The following GPR22 variants were observed in gnomAD, a reference collection of about 807,000 sequenced individuals.
GPR22 encodes G protein-coupled receptor 22.
GPR22 carries 13 observed loss-of-function variants against 31.0 expected under a neutral mutation model. The observed-to-expected ratio is 0.42, with a 90% CI of 0.27 to 0.67. The LOEUF (loss-of-function observed/expected upper bound fraction) is 0.67, where lower values mean the gene tolerates loss of function less well. GPR22 is among the 30% of genes least tolerant of loss of function. The pLI, the probability that GPR22 is intolerant of heterozygous loss-of-function variation, is 0.25. For missense variants in GPR22, 368 were observed against 509.6 expected, an observed-to-expected ratio of 0.72 and a Z score of 2.67; for synonymous variants, 191 against 173.4, an observed-to-expected ratio of 1.10 and a Z score of -0.80.
At position 107,475,281 on chromosome 7, in the gene GPR22, T is replaced by C; in HGVS notation, c.1221T>C (p.Asp407=). 6.3e-7 allele frequency: 1 copy of C among 1,595,982 alleles called. No individual in the cohort carries two copies. The highest frequency in any genetic ancestry group is 2.2e-5 in the East Asian group (1 of 44,712). ...CTGTAATACACAACTCTTGGATAGA[T>C]CCTAAAAGAAACAAAAAAATTACCT... ...NNAVIHNSWI[D]PKRNKKITFE... is the part of the protein sequence containing the mutation. Residue 407 remains aspartate, a synonymous_variant, in exon 3 of 3, where the codon GAT becomes GAC. Coordinates refer to ENST00000304402, the MANE Select transcript of GPR22 (RefSeq NM_005295.3).
In GPR22 at chr7:107,474,614, A is replaced by G; in HGVS notation, c.554A>G (p.Gln185Arg). The G allele has an allele frequency of 6.2e-7, 1 of 1,611,004 alleles. No individual in the cohort carries two copies. The highest frequency in any genetic ancestry group is 2.2e-5 in the East Asian group (1 of 44,820). ...PFIEVNFFSL[Q>R]SGNTWENKTL... ...ATTGAGGTAAATTTTTTCAGTCTTC[A>G]AAGTGGAAATACCTGGGAAAACAAG... The change falls in exon 3 of 3, where the codon CAA (glutamine) becomes CGA (arginine). Residue 185 changes from glutamine (Q) to arginine (R), a missense_variant. Gln to Arg is a conservative substitution (Grantham distance 43, BLOSUM62 1). Coordinates refer to ENST00000304402, the MANE Select transcript of GPR22 (RefSeq NM_005295.3). The surrounding 1 kb of genome is among the most constrained non-coding windows in gnomAD (Gnocchi z 5.7).
rs143888088 is a variant in GPR22, at chr7:107,474,404, G to C, written c.344G>C (p.Cys115Ser). 1.9e-6 allele frequency: 3 copies of C among 1,612,670 alleles called. No individual in the cohort carries two copies. The African/African-American group carries it at 4.0e-5, about 22-fold the overall frequency. Reference sequence around the variant, plus strand: ...CTGGAGAGTAACACTGCTCTCATTTGCTGTTTCCATGAGGCTTGTGTATCT... The same window carrying C: ...CTGGAGAGTAACACTGCTCTCATTTCCTGTTTCCATGAGGCTTGTGTATCT... ...LSLESNTALI[C>S]CFHEACVSFA... is the part of the protein sequence containing the mutation. The change falls in exon 3 of 3, where the codon TGC becomes TCC. Residue 115 changes from cysteine to serine, a missense_variant. Cys to Ser is a moderately radical substitution (Grantham distance 112). Coordinates refer to ENST00000304402, the MANE Select transcript of GPR22 (RefSeq NM_005295.3). This position sits in a 1 kb window ranked among gnomAD's most constrained non-coding sequence, Gnocchi z 5.7.
rs1473283482 is a variant in GPR22, at chr7:107,474,050, G to A, written c.-11G>A. ...CACTTTCTAGGGAAAAAAACCAACTGCTCCAAAAGAATGTGTTTTTCTCCC... is the reference window on the plus strand; with the variant it reads ...CACTTTCTAGGGAAAAAAACCAACTACTCCAAAAGAATGTGTTTTTCTCCC... On this transcript the variant is annotated 5_prime_UTR_variant, in exon 3 of 3. Transcript: ENST00000304402. The surrounding 1 kb of genome is among the most constrained non-coding windows in gnomAD (Gnocchi z 5.7). 2 of 1,462,078 alleles carry A rather than the reference G, an allele frequency of 1.4e-6. No individual in the cohort carries two copies. Among genetic ancestry groups the A allele is most frequent in the African/African-American group, 1.4e-5 (1 of 70,772 alleles). 90.6% of individuals were successfully genotyped at this position (1,462,078 alleles called of 1,614,324 possible). A position where few individuals can be genotyped will look rare whatever the true frequency, so the allele number is the denominator to read the frequency against.
rs750560282 is a variant in GPR22 at position 107,475,229 on chromosome 7, T to C, written c.1169T>C (p.Val390Ala). Residue 390 changes from valine to alanine, a missense_variant, in exon 3 of 3, where the codon GTA becomes GCA. Transcript: ENST00000304402. ...ATGAAAAAGCGAGTTGTTTCTATAG[T>C]AGAAGCTGATCCCCTGCCTAATAAT... ...SKMKKRVVSIVEADPLPNNAV... is the reference protein window; with the variant it reads ...SKMKKRVVSIAEADPLPNNAV... The C allele has an allele frequency of 3.7e-6, 6 of 1,610,738 alleles. No individual in the cohort carries two copies. In the Admixed American group the frequency reaches 6.7e-5, roughly 18 times the overall value.
In GPR22 at chr7:107,474,870, C is replaced by T. The variant is rs1796875659; in HGVS notation, c.810C>T (p.Asp270=). 2 of 1,612,930 alleles carry T rather than the reference C, an allele frequency of 1.2e-6. 1 individual carries two copies. The highest frequency in any genetic ancestry group is 3.3e-4 in the Middle Eastern group (2 of 6,080). Reference sequence around the variant, plus strand: ...TAACCACACAACATGAGGCTACAGACATGTCACAAAGCAGTGGTGGGAGAA... The same window carrying T: ...TAACCACACAACATGAGGCTACAGATATGTCACAAAGCAGTGGTGGGAGAA... ...ISLTTQHEAT[D]MSQSSGGRNV... The change falls in exon 3 of 3, where the codon GAC becomes GAT. Residue 270 remains aspartate (D), a synonymous_variant. Coordinates refer to ENST00000304402, the MANE Select transcript of GPR22 (RefSeq NM_005295.3). The surrounding 1 kb of genome is among the most constrained non-coding windows in gnomAD (Gnocchi z 5.7).
chr7:107,474,628 T>C lies in GPR22; in HGVS notation c.568T>C (p.Trp190Arg). ...TTTCAGTCTTCAAAGTGGAAATACC[T>C]GGGAAAACAAGACACTTTTATGTGT... The part of the protein sequence containing the change: ...NFFSLQSGNT[W>R]ENKTLLCVST... Residue 190 changes from tryptophan to arginine, a missense_variant, in exon 3 of 3, where the codon TGG becomes CGG. Transcript: ENST00000304402. This position sits in a 1 kb window ranked among gnomAD's most constrained non-coding sequence, Gnocchi z 5.7. 2 of 1,611,040 alleles carry C rather than the reference T, an allele frequency of 1.2e-6. No homozygotes were observed. Among genetic ancestry groups the C allele is most frequent in the South Asian group, 2.2e-5 (2 of 90,746 alleles).
In GPR22 at chr7:107,474,151, T is replaced by G. The variant is rs2129111975; in HGVS notation, c.91T>G (p.Tyr31Asp). 1 of 1,609,532 alleles carries G rather than the reference T, an allele frequency of 6.2e-7. No individual in the cohort carries two copies. The highest frequency in any genetic ancestry group is 1.1e-5 in the South Asian group (1 of 90,974). The stretch of plus-strand genomic sequence containing the variant: ...CATTGATGACATCAACACCAATATG[T>G]ACCAACCACTATCATATCCGTTAAG... The part of the protein sequence containing the change: ...DDIDDINTNM[Y>D]QPLSYPLSFQ... The change falls in exon 3 of 3, where the codon TAC becomes GAC. Residue 31 changes from tyrosine (Y) to aspartate (D), a missense_variant. Coordinates refer to ENST00000304402, the MANE Select transcript of GPR22 (RefSeq NM_005295.3). The surrounding 1 kb of genome is among the most constrained non-coding windows in gnomAD (Gnocchi z 5.7).
Position 107,475,298 on chromosome 7 carries a change from A to G in GPR22, c.1238A>G (p.Lys413Arg). ...TGGATAGATCCTAAAAGAAACAAAA[A>G]AATTACCTTTGAAGATAGTGAAATA... Reference protein sequence around the residue: ...NSWIDPKRNKKITFEDSEIRE... With the variant: ...NSWIDPKRNKRITFEDSEIRE... The change falls in exon 3 of 3, where the codon AAA (lysine) becomes AGA (arginine). Residue 413 changes from lysine to arginine, a missense_variant. By Grantham distance (26) the Lys-to-Arg change is conservative. Coordinates refer to ENST00000304402, the MANE Select transcript of GPR22 (RefSeq NM_005295.3). 1 of 1,592,792 alleles carries G rather than the reference A, an allele frequency of 6.3e-7. No individual in the cohort carries two copies. The highest frequency in any genetic ancestry group is 2.2e-5 in the East Asian group (1 of 44,718).
rs1245789772 is a variant in GPR22, at chr7:107,475,231, G to A, written c.1171G>A (p.Glu391Lys). Residue 391 changes from glutamate (E) to lysine (K), a missense_variant, in exon 3 of 3, where the codon GAA becomes AAA. Transcript: ENST00000304402. ...KMKKRVVSIVEADPLPNNAVI... is the reference protein window; with the variant it reads ...KMKKRVVSIVKADPLPNNAVI... The stretch of plus-strand genomic sequence containing the variant: ...GAAAAAGCGAGTTGTTTCTATAGTA[G>A]AAGCTGATCCCCTGCCTAATAATGC... 6.2e-7 allele frequency: 1 copy of A among 1,610,882 alleles called. No homozygotes were observed. Among genetic ancestry groups the A allele is most frequent in the Non-Finnish European group, 8.5e-7 (1 of 1,177,518 alleles).
Position 107,474,220 on chromosome 7 carries a change from T to C in GPR22, c.160T>C (p.Leu54=), listed in dbSNP as rs368142557. ...CGGATTTCTTATGTTAGAAATTGTG[T>C]TGGGACTTGGCAGCAACCTCACTGT... ...LTGFLMLEIV[L]GLGSNLTVLV... Residue 54 remains leucine, a synonymous_variant, in exon 3 of 3, where the codon TTG becomes CTG. Transcript: ENST00000304402. The surrounding 1 kb of genome is among the most constrained non-coding windows in gnomAD (Gnocchi z 5.7). 1.3e-5 allele frequency: 21 copies of C among 1,613,140 alleles called. No individual in the cohort carries two copies. The highest frequency in any genetic ancestry group is 1.7e-5 in the Non-Finnish European group (20 of 1,179,426).
downstream of GPR22, among the ~76,000 whole-genome samples, chr7:107,477,184 ATCT>A (rs1315412252): frequency 4.0e-5 from 6 of 151,666 alleles, no homozygotes; most frequent in African/African-American, 9.7e-5. Context: ...CCAGCTCCTA[ATCT>A]TCTTTTATTT....
chr7:107,472,793 A>T (rs964589866), intron 2 of GPR22: 1 of 151,976 alleles, frequency 6.6e-6, no homozygotes. Context: ...AGTTAACATG[A>T]ATTTTGAAAA....
At chr7:107,477,674 T>G (rs1019517916), downstream of GPR22, among the ~76,000 whole-genome samples, 20 of 151,816 alleles carry the variant, frequency 1.3e-4, no homozygotes, top group African/African-American at 4.8e-4. Context: ...TCTAACAGCT[T>G]TTTAATGTGC....
In GPR22 at chr7:107,474,380, T is replaced by G; in HGVS notation, c.320T>G (p.Leu107Arg). ...ACTATAGTTATCCTTCTGCTTTCAC[T>G]GGAGAGTAACACTGCTCTCATTTGC... Reference protein sequence around the residue: ...PLTIVILLLSLESNTALICCF... With the variant: ...PLTIVILLLSRESNTALICCF... Residue 107 changes from leucine to arginine, a missense_variant, in exon 3 of 3, where the codon CTG (leucine) becomes CGG (arginine). Coordinates refer to ENST00000304402, the MANE Select transcript of GPR22 (RefSeq NM_005295.3). This position sits in a 1 kb window ranked among gnomAD's most constrained non-coding sequence, Gnocchi z 5.7. 1 of 1,612,162 alleles carries G rather than the reference T, an allele frequency of 6.2e-7. No individual in the cohort carries two copies. The highest frequency in any genetic ancestry group is 8.5e-7 in the Non-Finnish European group (1 of 1,178,388).
At position 107,474,228 on chromosome 7, in the gene GPR22, T is replaced by C. The variant is rs1408288448; in HGVS notation, c.168T>C (p.Leu56=). 4 of 1,613,100 alleles carry C rather than the reference T, an allele frequency of 2.5e-6. No homozygotes were observed. In the Admixed American group the frequency reaches 5.0e-5, roughly 20 times the overall value. ...TTATGTTAGAAATTGTGTTGGGACT[T>C]GGCAGCAACCTCACTGTATTGGTAC... is the stretch of plus-strand genomic sequence containing the variant. ...GFLMLEIVLG[L]GSNLTVLVLY... Residue 56 remains leucine, a synonymous_variant, in exon 3 of 3, where the codon CTT becomes CTC. Coordinates refer to ENST00000304402, the MANE Select transcript of GPR22 (RefSeq NM_005295.3). The surrounding 1 kb of genome is among the most constrained non-coding windows in gnomAD (Gnocchi z 5.7).
At chr7:107,473,972 G>A in intron 2 of GPR22, 63 bp from the exon 3 acceptor site, 1 of 599,348 alleles carries the variant, frequency 1.7e-6, no homozygotes, top group Non-Finnish European at 2.9e-6. Flanking sequence ...TTCTTACAAA[G>A]AACACGTTAT....
intron 2 of GPR22, chr7:107,473,064 T>C (rs550701201): frequency 6.6e-6 from 1 of 151,968 alleles, no homozygotes; most frequent in East Asian, 1.9e-4. Flanking sequence ...GGGTGATATA[T>C]ACAAAAGGCT....
Position 107,475,156 on chromosome 7 carries a change from T to C in GPR22, c.1096T>C (p.Leu366=), listed in dbSNP as rs1796893719. The part of the protein sequence containing the change: ...AYGTTIFHPL[L]YAFTRQKFQK... ...TGGAACAACTATATTTCACCCTCTATTATATGCATTCACTAGACAAAAATT... is the reference window on the plus strand; with the variant it reads ...TGGAACAACTATATTTCACCCTCTACTATATGCATTCACTAGACAAAAATT... The change falls in exon 3 of 3, where the codon TTA becomes CTA. Residue 366 remains leucine (L), a synonymous_variant. Coordinates refer to ENST00000304402, the MANE Select transcript of GPR22 (RefSeq NM_005295.3). 3 of 1,609,884 alleles carry C rather than the reference T, an allele frequency of 1.9e-6. No individual in the cohort carries two copies. The highest frequency in any genetic ancestry group is 2.5e-6 in the Non-Finnish European group (3 of 1,177,196).
At chr7:107,476,184 TAAAAAAA>T (rs34741713), downstream of GPR22, among the ~76,000 whole-genome samples, 10 of 44,070 alleles carry the variant, frequency 2.3e-4, no homozygotes, top group East Asian at 1.4e-3. Context: ...GCAATGATTT[TAAAAAAA>T]AAAAAAAAAA....
Sources: allele counts gnomAD v4.1 joint callset (sites outside exome capture counted in the v4.1 genomes callset), GRCh38; gene constraint gnomAD v4.1.1; non-coding constraint Gnocchi (gnomAD v3.1); transcripts MANE v1.5; gene names NCBI Gene and HGNC (gene_info 2026-07-23, HGNC 2026-07-21).